The following ELP4 variants were observed in gnomAD, a reference collection of about 807,000 sequenced individuals.
ELP4 encodes the protein elongator acetyltransferase complex subunit 4, also known as elongator complex protein 4.
Under a neutral mutation model 48.9 loss-of-function variants are expected in ELP4, and 51 were observed. That is an observed-to-expected ratio of 1.04 (90% CI 0.83 to 1.32). The LOEUF is 1.32. ELP4 is among the 40% of genes most tolerant of loss of function. The pLI, the probability that ELP4 is intolerant of heterozygous loss-of-function variation, is 0.00. For missense variants in ELP4, 519 were observed against 514.6 expected, an observed-to-expected ratio of 1.01 and a Z score of -0.08; for synonymous variants, 210 against 189.2, an observed-to-expected ratio of 1.11 and a Z score of -0.90.
chr11:31,738,493 CG>C (rs1198767691), intron 9 of ELP4, among the ~76,000 whole-genome samples: 6 of 151,408 alleles, frequency 4.0e-5, no homozygotes, highest in African/African-American at 1.2e-4. Flanking sequence ...CAGCACACTG[CG>C]GGGGGCTAAG....
rs145801807 is a variant in ELP4, at chr11:31,776,864, C to T, written c.1144-6529C>T. 8.0e-3 allele frequency among the ~76,000 whole-genome samples: 1,213 copies of T among 152,212 alleles called. 12 individuals are homozygous for T. The highest frequency in any genetic ancestry group is 0.013 in the Non-Finnish European group (853 of 68,010). ...TCTTAAACCCTGGGCATGAATTGGG[C>T]CTTAAACAAAAAGTTAAACCTAAAA... On this transcript the variant is annotated intron_variant, in intron 9 of 9. Transcript: ENST00000640961.
chr11:31,749,956 C>T (rs1227030287), intron 9 of ELP4, among the ~76,000 whole-genome samples: 5 of 151,664 alleles, frequency 3.3e-5, no homozygotes, highest in South Asian at 2.1e-4. Context: ...CCCAGGTTCA[C>T]GCCATTCTCC....
At chr11:31,665,759 A>G (rs1378400186) in intron 9 of ELP4, among the ~76,000 whole-genome samples, 3 of 137,776 alleles carry the variant, frequency 2.2e-5, no homozygotes, top group Non-Finnish European at 4.5e-5. Context: ...GACTCAATTG[A>G]TCCTCCCTCC....
chr11:31,650,165 G>T lies in ELP4; in HGVS notation c.1087G>T (p.Glu363Ter). 2.6e-6 allele frequency: 4 copies of T among 1,538,784 alleles called. No individual in the cohort carries two copies. The highest frequency in any genetic ancestry group is 3.6e-6 in the Non-Finnish European group (4 of 1,118,176). Residue 363 changes from glutamate to a stop codon, truncating the protein, a stop_gained, in exon 9 of 10, where the codon GAA becomes TAA. Transcript: ENST00000640961. LOFTEE classifies it high-confidence loss of function. ...TCGGCTTAATAACTTGATCTGTGAT[G>T]AATCAGATGTCAAAGACTTAGCTTT... is the stretch of plus-strand genomic sequence containing the variant. Reference protein sequence around the residue: ...IPRLNNLICDESDVKDLAFKL... With the variant: ...IPRLNNLICD
At chr11:31,598,018 C>T (rs889198775) in intron 4 of ELP4, among the ~76,000 whole-genome samples, 7 of 139,452 alleles carry the variant, frequency 5.0e-5, no homozygotes, top group Non-Finnish European at 1.1e-4. Context: ...TACAGTGGCA[C>T]GATCTCAGCT....
At position 31,650,109 on chromosome 11, in the gene ELP4, C is replaced by T; in HGVS notation, c.1037-6C>T. 2 of 1,231,062 alleles carry T rather than the reference C, an allele frequency of 1.6e-6. No individual in the cohort carries two copies. Among genetic ancestry groups the T allele is most frequent in the Non-Finnish European group, 1.2e-6 (1 of 851,672 alleles). The allele number at this position is 1,231,062 out of a possible 1,614,324, so 76.3% of individuals were successfully genotyped here. On this transcript the variant is annotated splice_region_variant and splice_polypyrimidine_tract_variant and intron_variant, in intron 8 of 9. Transcript: ENST00000640961. ...ATTTTTTTTCTTTTAATTTCTTTTC[C>T]ACAAGGATTGATTCATATACGGCAG...
intron 9 of ELP4, among the ~76,000 whole-genome samples, chr11:31,732,277 G>A (rs1354274293): frequency 1.3e-5 from 2 of 152,092 alleles, no homozygotes; most frequent in South Asian, 4.1e-4. Context: ...GATCTACTTT[G>A]TGACATAAAT....
intron 9 of ELP4, among the ~76,000 whole-genome samples, chr11:31,709,258 G>A (rs960261139): frequency 1.3e-5 from 2 of 152,080 alleles, no homozygotes; most frequent in Non-Finnish European, 1.5e-5. Context: ...TTGATGATAC[G>A]TCATATTACA....
chr11:31,599,087 A>G (rs899419487), intron 4 of ELP4: 5 of 152,154 alleles, frequency 3.3e-5, no homozygotes, highest in East Asian at 1.9e-4. Context: ...TGTGAGCTCA[A>G]TGAGAGAAAG....
At chr11:31,765,717 T>G (rs925962645) in intron 9 of ELP4, among the ~76,000 whole-genome samples, 3 of 152,090 alleles carry the variant, frequency 2.0e-5, no homozygotes, top group African/African-American at 7.2e-5. Context: ...AAATACTATT[T>G]AAGTAGTATA....
At chr11:31,651,983 T>C (rs1015390820) in intron 9 of ELP4, 1 of 151,730 alleles carries the variant, frequency 6.6e-6, no homozygotes, top group African/African-American at 2.4e-5. Context: ...TAGGTTCTAA[T>C]AGTAACTACA....
chr11:31,747,642 A>G (rs989606450), intron 9 of ELP4, among the ~76,000 whole-genome samples: 1 of 152,220 alleles, frequency 6.6e-6, no homozygotes, highest in Non-Finnish European at 1.5e-5. Context: ...ACTGAGATAC[A>G]TTGAAAAGGC....
chr11:31,542,171 C>T (rs542626846), intron 3 of ELP4, among the ~76,000 whole-genome samples: 1 of 152,268 alleles, frequency 6.6e-6, no homozygotes, highest in African/African-American at 2.4e-5. Context: ...ATATACAAAA[C>T]AAAGAAGGCA....
At chr11:31,549,766 A>G (rs1956807084) in intron 3 of ELP4, among the ~76,000 whole-genome samples, 2 of 152,262 alleles carry the variant, frequency 1.3e-5, no homozygotes, top group Admixed American at 1.3e-4. Context: ...GACTGGATTA[A>G]GAAAATGTGG....
At chr11:31,559,976 A>G (rs778501535) in intron 3 of ELP4, among the ~76,000 whole-genome samples, 6 of 132,426 alleles carry the variant, frequency 4.5e-5, no homozygotes, top group Non-Finnish European at 9.2e-5. Flanking sequence ...ACAGTAAATA[A>G]TTTTCAAATT....
At chr11:31,666,590 G>A (rs943965500) in intron 9 of ELP4, among the ~76,000 whole-genome samples, 10 of 151,696 alleles carry the variant, frequency 6.6e-5, no homozygotes, top group African/African-American at 2.2e-4. Context: ...TACTTAGGAG[G>A]CTGAGGCAGG....
At chr11:31,614,423 A>G (rs1421322914) in intron 5 of ELP4, among the ~76,000 whole-genome samples, 1 of 152,192 alleles carries the variant, frequency 6.6e-6, no homozygotes, top group Admixed American at 6.5e-5. Context: ...ATGTTGGCCA[A>G]TTTGAGCATC....
intron 5 of ELP4, among the ~76,000 whole-genome samples, chr11:31,611,220 G>C (rs547789062): frequency 6.6e-6 from 1 of 152,300 alleles, no homozygotes; most frequent in East Asian, 1.9e-4. Flanking sequence ...TATCTGTGCT[G>C]TGTAATGTAG....
chr11:31,679,456 C>A (rs926582027), intron 9 of ELP4, among the ~76,000 whole-genome samples: 2 of 152,136 alleles, frequency 1.3e-5, no homozygotes, highest in Non-Finnish European at 2.9e-5. Flanking sequence ...GGGTTAATTT[C>A]TTCTGAGGCC....
Sources: allele counts gnomAD v4.1 joint callset (sites outside exome capture counted in the v4.1 genomes callset), GRCh38; gene constraint gnomAD v4.1.1; transcripts MANE v1.5; gene names NCBI Gene and HGNC (gene_info 2026-07-23, HGNC 2026-07-21).